The following ADK variants were observed in gnomAD, a reference collection of about 807,000 sequenced individuals.
ADK encodes N6,N6-dimethyladenosine kinase.
ADK carries 24 observed loss-of-function variants against 44.7 expected under a neutral mutation model. The observed-to-expected ratio is 0.54, with a 90% CI of 0.39 to 0.76. The LOEUF is 0.76. ADK is among the 30% of genes least tolerant of loss of function. The pLI, the probability that ADK is intolerant of heterozygous loss-of-function variation, is 0.00. For missense variants in ADK, 321 were observed against 425.1 expected (o/e 0.76, Z 2.15); for synonymous variants, 128 against 142.6 (o/e 0.90, Z 0.73).
At chr10:74,317,856 A>C (rs1840678265) in intron 4 of ADK, among the ~76,000 whole-genome samples, 1 of 152,144 alleles carries the variant, frequency 6.6e-6, no homozygotes, top group South Asian at 2.1e-4. Context: ...ATCTCTGCTC[A>C]CTGCAACCTC....
chr10:74,199,438 G>A (rs968587121), intron 1 of ADK, among the ~76,000 whole-genome samples: 10 of 152,100 alleles, frequency 6.6e-5, no homozygotes, highest in African/African-American at 2.2e-4. Context: ...GTGAAAACAT[G>A]TGATATTTGG....
chr10:74,379,217 G>C (rs1438768317), intron 4 of ADK, among the ~76,000 whole-genome samples: 2 of 152,184 alleles, frequency 1.3e-5, no homozygotes, highest in African/African-American at 4.8e-5. Flanking sequence ...TGGAAGCAGA[G>C]AGGTTAGGAA....
chr10:74,244,362 A>C (rs1272648745), intron 3 of ADK, among the ~76,000 whole-genome samples: 1 of 152,204 alleles, frequency 6.6e-6, no homozygotes, highest in South Asian at 2.1e-4. Context: ...AAGATCTAGA[A>C]TATTTGGGCA....
At chr10:74,355,939 C>A (rs1199754820) in intron 4 of ADK, among the ~76,000 whole-genome samples, 1 of 150,392 alleles carries the variant, frequency 6.6e-6, no homozygotes, top group Admixed American at 6.6e-5. Flanking sequence ...AAGTTCCTAC[C>A]AAGGATACCT....
At chr10:74,286,486 T>C (rs1847166049) in intron 3 of ADK, among the ~76,000 whole-genome samples, 1 of 152,256 alleles carries the variant, frequency 6.6e-6, no homozygotes, top group Admixed American at 6.5e-5. Context: ...GTTCTAGGAC[T>C]TAGCTATCTA....
chr10:74,691,331 G>A (rs973030055), intron 10 of ADK, among the ~76,000 whole-genome samples: 1 of 152,170 alleles, frequency 6.6e-6, no homozygotes, highest in Admixed American at 6.5e-5. Flanking sequence ...TATCAGGTTT[G>A]CTTTAATTAC....
intron 7 of ADK, among the ~76,000 whole-genome samples, chr10:74,586,565 T>G (rs1335809733): frequency 6.6e-6 from 1 of 152,126 alleles, no homozygotes; most frequent in Non-Finnish European, 1.5e-5. Context: ...TAAAAATAAT[T>G]TTTTTGGGCT....
In ADK at chr10:74,668,919, G is replaced by A. The variant is rs565804405; in HGVS notation, c.878-1264G>A. Among the ~76,000 whole-genome samples the A allele has an allele frequency of 4.0e-5, 6 of 150,690 alleles. No individual in the cohort carries two copies. In the East Asian group the frequency reaches 7.9e-4, roughly 20 times the overall value. ...AAAAATTGACCAGCTGTGGTGCTGCGTGTCTGTGGTCCCAACTACACAGGA... is the reference window on the plus strand; with the variant it reads ...AAAAATTGACCAGCTGTGGTGCTGCATGTCTGTGGTCCCAACTACACAGGA... On this transcript the variant is annotated intron_variant, in intron 9 of 10. Transcript: ENST00000539909.
At chr10:74,508,025 GC>G (rs1350150631) in intron 6 of ADK, among the ~76,000 whole-genome samples, 1 of 152,134 alleles carries the variant, frequency 6.6e-6, no homozygotes. Context: ...TTTGGGAGAA[GC>G]AAATTATTCT....
intron 4 of ADK, among the ~76,000 whole-genome samples, chr10:74,344,346 A>G (rs754376127): frequency 2.6e-5 from 4 of 152,186 alleles, no homozygotes; most frequent in African/African-American, 7.2e-5. Flanking sequence ...GTTGCACCTT[A>G]TTATTTCATT....
intron 3 of ADK, among the ~76,000 whole-genome samples, chr10:74,299,515 A>AATATATAT (rs376663637): frequency 7.1e-6 from 1 of 140,524 alleles, no homozygotes; most frequent in South Asian, 2.2e-4. Flanking sequence ...AAAAAAAAGA[A>AATATATAT]ATATATATAT....
intron 6 of ADK, among the ~76,000 whole-genome samples, chr10:74,512,366 G>C (rs2133529743): frequency 6.8e-6 from 1 of 146,432 alleles, no homozygotes; most frequent in East Asian, 2.0e-4. Flanking sequence ...GGGACAAATT[G>C]GTTTTAATTC....
chr10:74,638,153 A>G (rs1853681632), intron 9 of ADK, among the ~76,000 whole-genome samples: 1 of 152,180 alleles, frequency 6.6e-6, no homozygotes, highest in South Asian at 2.1e-4. Context: ...TAGAGTCCTG[A>G]TGTAATACAC....
At chr10:74,175,783 TAAAA>T (rs1172023222) in intron 1 of ADK, among the ~76,000 whole-genome samples, 1 of 152,148 alleles carries the variant, frequency 6.6e-6, no homozygotes, top group African/African-American at 2.4e-5. Context: ...AAATGAAAAT[TAAAA>T]AAATTATTGC....
chr10:74,200,755 T>C lies in ADK; in HGVS notation c.66-9T>C. On this transcript the variant is annotated splice_polypyrimidine_tract_variant and intron_variant, in intron 1 of 10. Transcript: ENST00000539909. ...AAGTATTTCTAACTTGTGTTTTGTG[T>C]TTTTTTAGAGAAAATATTCTCTTTG... 2 of 1,596,740 alleles carry C rather than the reference T, an allele frequency of 1.3e-6. No homozygotes were observed. The highest frequency in any genetic ancestry group is 1.7e-6 in the Non-Finnish European group (2 of 1,165,272).
chr10:74,260,171 T>TC (rs964167587), intron 3 of ADK, among the ~76,000 whole-genome samples: 2 of 152,128 alleles, frequency 1.3e-5, no homozygotes, highest in African/African-American at 2.4e-5. Context: ...CTGTTCCCAC[T>TC]CCCCCCAAAA....
At chr10:74,695,605 CTGTGTATGTGTGGGGTGTGTG>C (rs1195800878) in intron 10 of ADK, among the ~76,000 whole-genome samples, 1 of 60,560 alleles carries the variant, frequency 1.7e-5, no homozygotes, top group African/African-American at 5.8e-5. Flanking sequence ...TTTACAATTC[CTGTGTATGTGTGGGGTGTGTG>C]TGTGTGTGTG....
intron 1 of ADK, among the ~76,000 whole-genome samples, chr10:74,192,553 G>C (rs968315506): frequency 6.9e-6 from 1 of 145,978 alleles, no homozygotes; most frequent in African/African-American, 2.6e-5. Flanking sequence ...AAACAGATAT[G>C]GTTTTGCTCT....
chr10:74,708,024 G>A (rs1856666875), intron 10 of ADK, among the ~76,000 whole-genome samples: 1 of 151,488 alleles, frequency 6.6e-6, no homozygotes, highest in Non-Finnish European at 1.5e-5. Context: ...GGTGGTGCAT[G>A]CCTGTAGTCC....
Sources: gnomAD v4.1 joint callset for allele counts (sites outside exome capture counted in the v4.1 genomes callset) on GRCh38, gnomAD v4.1.1 for gene constraint, MANE v1.5 for transcripts, NCBI Gene and HGNC (gene_info 2026-07-23, HGNC 2026-07-21) for gene names.